HACE1: variants seen among roughly 807,000 people sequenced by gnomAD.
HACE1 encodes the protein E3 ubiquitin-protein ligase HACE1.
In HACE1, 73 loss-of-function variants were observed where a neutral mutation model predicts 118.4. That is an observed-to-expected ratio of 0.62 (90% confidence interval 0.51 to 0.75). The LOEUF (loss-of-function observed/expected upper bound fraction) is 0.75. HACE1 is among the 30% of genes least tolerant of loss of function. The probability of loss-of-function intolerance (pLI) is 0.00; values close to 1 mark genes in which losing one functional copy is unlikely to be tolerated. For missense variants in HACE1, 749 were observed against 1,102.2 expected, an observed-to-expected ratio of 0.68 and a Z score of 4.54; for synonymous variants, 368 against 374.8, an observed-to-expected ratio of 0.98 and a Z score of 0.21.
chr6:104,843,377 C>A, intron 4 of HACE1, 79 bp from the exon 5 acceptor site: 1 of 772,852 alleles, frequency 1.3e-6, no homozygotes, highest in Non-Finnish European at 2.4e-6. Flanking sequence ...GAAATATTAG[C>A]AACAATCAAT....
chr6:104,759,961 A>C (rs1278422562), intron 19 of HACE1, among the ~76,000 whole-genome samples: 1 of 152,210 alleles, frequency 6.6e-6, no homozygotes, highest in African/African-American at 2.4e-5. Context: ...GAAATGGATA[A>C]ATTCCTAGAC....
Position 104,728,840 on chromosome 6 carries a change from CAT to C in HACE1, c.*820_*821del, listed in dbSNP as rs1328385271. Reference sequence around the variant, plus strand: ...CAAATTTAAGAAGCAAAAAAATTAACATATTTAAATTATAATTTGCACATCAG... The same window carrying C: ...CAAATTTAAGAAGCAAAAAAATTAACATTTAAATTATAATTTGCACATCAG... On this transcript the variant is annotated 3_prime_UTR_variant, in exon 24 of 24. Coordinates refer to ENST00000262903, the MANE Select transcript of HACE1 (RefSeq NM_020771.4). 13 of 152,270 alleles carry C rather than the reference CAT, an allele frequency of 8.5e-5. No homozygotes were observed. The highest frequency in any genetic ancestry group is 2.1e-4 in the South Asian group (1 of 4,822). 9.4% of individuals were successfully genotyped at this position (152,270 alleles called of 1,614,324 possible).
intron 1 of HACE1, among the ~76,000 whole-genome samples, chr6:104,854,201 C>T (rs947398787): frequency 1.3e-5 from 2 of 152,104 alleles, no homozygotes; most frequent in Non-Finnish European, 1.5e-5. Flanking sequence ...AAAAGTCTCA[C>T]GACCGTTAAA....
chr6:104,818,108 T>C (rs1002792550), intron 6 of HACE1, among the ~76,000 whole-genome samples: 5 of 152,206 alleles, frequency 3.3e-5, no homozygotes, highest in African/African-American at 1.2e-4. Context: ...AATTTACTTC[T>C]ACCCCAACAT....
intron 19 of HACE1, among the ~76,000 whole-genome samples, chr6:104,756,140 C>T (rs7774666): frequency 0.11 from 16,703 of 151,992 alleles, 956 homozygotes; most frequent in Admixed American, 0.15. Flanking sequence ...CTGCCAGGCA[C>T]GGTGGCTCAT....
At chr6:104,828,909 G>A (rs1773590043) in intron 6 of HACE1, among the ~76,000 whole-genome samples, 1 of 151,978 alleles carries the variant, frequency 6.6e-6, no homozygotes, top group Non-Finnish European at 1.5e-5. Context: ...AGGGTGCTTA[G>A]CTAGTTGCTC....
intron 11 of HACE1, among the ~76,000 whole-genome samples, chr6:104,789,811 T>C (rs1409396974): frequency 1.3e-5 from 2 of 152,132 alleles, no homozygotes; most frequent in African/African-American, 2.4e-5. Context: ...CAAAGTCAAA[T>C]CATGGGTAGA....
At chr6:104,835,366 T>C (rs1370930045) in intron 5 of HACE1, among the ~76,000 whole-genome samples, 1 of 152,144 alleles carries the variant, frequency 6.6e-6, no homozygotes, top group East Asian at 1.9e-4. Context: ...AAAAACTATA[T>C]TTAATACTGT....
chr6:104,767,994 A>G (rs547469840), intron 19 of HACE1, among the ~76,000 whole-genome samples: 1 of 152,338 alleles, frequency 6.6e-6, no homozygotes, highest in African/African-American at 2.4e-5. Flanking sequence ...TCTAAATGCT[A>G]GAACTGAAAA....
At position 104,771,262 on chromosome 6, in the gene HACE1, C is replaced by T. The variant is rs747294147; in HGVS notation, c.2142G>A (p.Val714=). Reference sequence around the variant, plus strand: ...AAGGCACCTCTTCCATTGCTCCAAACACATCAGTCTCAACAGAAAAAGTTA... The same window carrying T: ...AAGGCACCTCTTCCATTGCTCCAAATACATCAGTCTCAACAGAAAAAGTTA... The part of the protein sequence containing the change: ...LELTFSVETD[V]FGAMEEVPLK... Residue 714 remains valine (V), a synonymous_variant, in exon 19 of 24, where the codon GTG becomes GTA. Coordinates refer to ENST00000262903, the MANE Select transcript of HACE1 (RefSeq NM_020771.4). 2.4e-5 allele frequency: 38 copies of T among 1,613,512 alleles called. No individual in the cohort carries two copies. In the Middle Eastern group the frequency reaches 6.6e-4, roughly 28 times the overall value.
At chr6:104,820,350 TTAAAC>T (rs1186386242) in intron 6 of HACE1, among the ~76,000 whole-genome samples, 2 of 152,138 alleles carry the variant, frequency 1.3e-5, no homozygotes, top group Non-Finnish European at 2.9e-5. Context: ...TGGGATCTAA[TTAAAC>T]TAAAGAGTTT....
At chr6:104,828,350 G>C (rs1050437409) in intron 6 of HACE1, among the ~76,000 whole-genome samples, 8 of 151,862 alleles carry the variant, frequency 5.3e-5, no homozygotes, top group Non-Finnish European at 8.8e-5. Context: ...AATAGCAGTA[G>C]GTATTATTGC....
intron 19 of HACE1, among the ~76,000 whole-genome samples, chr6:104,754,392 A>T (rs6907746): frequency 0.11 from 16,691 of 152,164 alleles, 951 homozygotes; most frequent in Admixed American, 0.15. Flanking sequence ...CAAATTCAGG[A>T]AATGCAGAGA....
chr6:104,754,514 A>C (rs748820378), intron 19 of HACE1, among the ~76,000 whole-genome samples: 5 of 152,182 alleles, frequency 3.3e-5, no homozygotes, highest in African/African-American at 4.8e-5. Context: ...ATGAAAGAAA[A>C]GCTGTTAAGG....
chr6:104,824,542 G>T (rs1025850250), intron 6 of HACE1, among the ~76,000 whole-genome samples: 3 of 152,122 alleles, frequency 2.0e-5, no homozygotes, highest in Non-Finnish European at 4.4e-5. Context: ...ATACATAAAG[G>T]CTCTTGAAGA....
chr6:104,744,814 G>A (rs942062139), intron 20 of HACE1, among the ~76,000 whole-genome samples: 4 of 152,124 alleles, frequency 2.6e-5, no homozygotes, highest in Non-Finnish European at 4.4e-5. Flanking sequence ...AAGATGTGGA[G>A]ATGTTTCCAC....
chr6:104,833,926 G>A (rs1406079256), intron 5 of HACE1, among the ~76,000 whole-genome samples: 5 of 152,026 alleles, frequency 3.3e-5, no homozygotes, highest in African/African-American at 7.2e-5. Context: ...CGGCAGTTGC[G>A]GTGAGCTGAG....
In HACE1 at chr6:104,859,893, G is replaced by T. The variant is rs908397568; in HGVS notation, c.-251C>A. On this transcript the variant is annotated 5_prime_UTR_variant, in exon 1 of 24. Coordinates refer to ENST00000262903, the MANE Select transcript of HACE1 (RefSeq NM_020771.4). ...CCTTTCCTGCAGCCCCCGCCGCCGCGTCCCTCCCGGGCTCGCGTGGCCTTC... is the reference window on the plus strand; with the variant it reads ...CCTTTCCTGCAGCCCCCGCCGCCGCTTCCCTCCCGGGCTCGCGTGGCCTTC... 4.2e-6 allele frequency: 2 copies of T among 472,364 alleles called. No homozygotes were observed. The highest frequency in any genetic ancestry group is 5.4e-5 in the South Asian group (2 of 36,756). 29.3% of individuals were successfully genotyped at this position (472,364 alleles called of 1,614,324 possible). A position where few individuals can be genotyped will look rare whatever the true frequency, so the allele number is the denominator to read the frequency against.
intron 23 of HACE1, 26 bp from the exon 24 acceptor site, chr6:104,729,790 T>G: frequency 2.1e-6 from 2 of 937,714 alleles, no homozygotes; most frequent in South Asian, 2.6e-5. Flanking sequence ...ATACCACCAT[T>G]AAACAGGAAA....
Sources: allele counts gnomAD v4.1 joint callset (sites outside exome capture counted in the v4.1 genomes callset), GRCh38; gene constraint gnomAD v4.1.1; transcripts MANE v1.5; gene names NCBI Gene and HGNC (gene_info 2026-07-23, HGNC 2026-07-21).